KCNMA1: variants seen among roughly 807,000 people sequenced by gnomAD.
The protein encoded by KCNMA1 is Calcium-activated potassium channel subunit alpha-1.
KCNMA1 carries 29 observed loss-of-function variants against 140.0 expected under a neutral mutation model. That is an observed-to-expected ratio of 0.21 (90% CI 0.15 to 0.28). The LOEUF is 0.28. Among genes scored for constraint, KCNMA1 ranks in the 10% least tolerant of loss-of-function variants. KCNMA1 has a pLI of 1.00. For synonymous variants in KCNMA1, 612 were observed against 611.9 expected (o/e 1.00, Z 0.00); for missense variants, 880 against 1,602.2 (o/e 0.55, Z 7.70).
chr10:77,182,309 C>A (rs1008542400), intron 5 of KCNMA1, among the ~76,000 whole-genome samples: 1 of 152,114 alleles, frequency 6.6e-6, no homozygotes, highest in East Asian at 1.9e-4. Context: ...GAATATACTG[C>A]GATACAAACA....
intron 3 of KCNMA1, among the ~76,000 whole-genome samples, chr10:77,194,133 G>A (rs2039610290): frequency 6.6e-6 from 1 of 152,124 alleles, no homozygotes; most frequent in African/African-American, 2.4e-5. Flanking sequence ...CAGTTTCAAG[G>A]CACTTCATAT....
chr10:77,058,125 A>G (rs1279508213), intron 14 of KCNMA1, among the ~76,000 whole-genome samples: 1 of 152,110 alleles, frequency 6.6e-6, no homozygotes, highest in Non-Finnish European at 1.5e-5. Context: ...GAGTGGCTAT[A>G]TTAATATCAG....
intron 1 of KCNMA1, among the ~76,000 whole-genome samples, chr10:77,603,410 C>T (rs1371007162): frequency 6.6e-6 from 1 of 152,152 alleles, no homozygotes; most frequent in Admixed American, 6.5e-5. Flanking sequence ...ATAGATTTCC[C>T]TCTGTTGTCC....
At chr10:77,018,637 A>G (rs2092469452) in intron 17 of KCNMA1, among the ~76,000 whole-genome samples, 1 of 152,184 alleles carries the variant, frequency 6.6e-6, no homozygotes, top group Admixed American at 6.6e-5. Flanking sequence ...TAGAAAACTG[A>G]TAATTCTCAA....
chr10:76,952,061 A>C, intron 21 of KCNMA1: 1 of 1,552,272 alleles, frequency 6.4e-7, no homozygotes, highest in Non-Finnish European at 8.7e-7. Context: ...TTATGCTGGC[A>C]GGAGATGTTG....
At chr10:77,238,301 G>A (rs1242482630) in intron 3 of KCNMA1, among the ~76,000 whole-genome samples, 10 of 152,122 alleles carry the variant, frequency 6.6e-5, no homozygotes, top group Admixed American at 6.5e-4. Context: ...GTGGTCCCTA[G>A]TTCCTGGTGC....
chr10:76,883,130 C>G (rs1342613659), downstream of KCNMA1, among the ~76,000 whole-genome samples: 1 of 152,144 alleles, frequency 6.6e-6, no homozygotes, highest in Non-Finnish European at 1.5e-5. Flanking sequence ...AGTGTCTCTA[C>G]TCATTGAGCT....
At chr10:76,906,901 C>T (rs2048036910) in intron 25 of KCNMA1, among the ~76,000 whole-genome samples, 1 of 152,204 alleles carries the variant, frequency 6.6e-6, no homozygotes, top group Admixed American at 6.5e-5. Flanking sequence ...CATTATGAAG[C>T]TTGTTCATCC....
At chr10:77,007,407 C>T (rs1484922388) in intron 18 of KCNMA1, among the ~76,000 whole-genome samples, 4 of 152,008 alleles carry the variant, frequency 2.6e-5, no homozygotes, top group Non-Finnish European at 2.9e-5. Flanking sequence ...AAGGGAACTT[C>T]ATAGACTGCA....
intron 2 of KCNMA1, among the ~76,000 whole-genome samples, chr10:77,341,192 TATCTC>T (rs1207326677): frequency 6.6e-6 from 1 of 152,222 alleles, no homozygotes; most frequent in Non-Finnish European, 1.5e-5. Context: ...CAACAGCACT[TATCTC>T]ATAGAATTGT....
At chr10:77,591,182 C>G (rs1251895547) in intron 1 of KCNMA1, among the ~76,000 whole-genome samples, 2 of 152,196 alleles carry the variant, frequency 1.3e-5, no homozygotes, top group African/African-American at 4.8e-5. Context: ...TCTGGGGGCT[C>G]AGACTCCCCT....
intron 1 of KCNMA1, among the ~76,000 whole-genome samples, chr10:77,600,159 C>A (rs539688292): frequency 6.6e-6 from 1 of 152,194 alleles, no homozygotes; most frequent in Non-Finnish European, 1.5e-5. Flanking sequence ...GAAGCTATTC[C>A]AAAATGGAAC....
intron 1 of KCNMA1, among the ~76,000 whole-genome samples, chr10:77,427,284 A>G (rs1430002579): frequency 2.0e-5 from 3 of 152,254 alleles, no homozygotes; most frequent in South Asian, 4.1e-4. Context: ...CAATGCTCAC[A>G]GCAGACACAG....
chr10:77,464,255 G>T (rs2097934515), intron 1 of KCNMA1, among the ~76,000 whole-genome samples: 1 of 152,206 alleles, frequency 6.6e-6, no homozygotes. Flanking sequence ...AGAGGCTCAA[G>T]TCAGACCCTT....
At chr10:77,423,217 T>TA (rs1252185265) in intron 1 of KCNMA1, among the ~76,000 whole-genome samples, 2 of 152,178 alleles carry the variant, frequency 1.3e-5, no homozygotes, top group South Asian at 4.1e-4. Flanking sequence ...TTTTTACTCT[T>TA]AAAAAAATGT....
chr10:77,397,794 C>T (rs2096111807), intron 2 of KCNMA1, among the ~76,000 whole-genome samples: 1 of 152,078 alleles, frequency 6.6e-6, no homozygotes, highest in African/African-American at 2.4e-5. Context: ...TCTGAGTCTC[C>T]ATTGACTACT....
intron 2 of KCNMA1, among the ~76,000 whole-genome samples, chr10:77,284,524 T>C (rs1344203485): frequency 6.6e-6 from 1 of 152,110 alleles, no homozygotes; most frequent in African/African-American, 2.4e-5. Context: ...TTATTATTAT[T>C]ATTGCTCAAG....
At chr10:76,910,622 A>G (rs1021187356) in intron 24 of KCNMA1, 1 of 208,796 alleles carries the variant, frequency 4.8e-6, no homozygotes, top group African/African-American at 2.3e-5. Flanking sequence ...TGGCCTGGGT[A>G]GTTCCCGGGG....
intron 1 of KCNMA1, among the ~76,000 whole-genome samples, chr10:77,411,132 G>T (rs2096609898): frequency 6.6e-6 from 1 of 152,284 alleles, no homozygotes; most frequent in South Asian, 2.1e-4. Context: ...CCTCCTGAGT[G>T]CTAGGAGTAT....
Sources: allele counts gnomAD v4.1 joint callset (sites outside exome capture counted in the v4.1 genomes callset), GRCh38; gene constraint gnomAD v4.1.1; transcripts MANE v1.5; gene names NCBI Gene and HGNC (gene_info 2026-07-23, HGNC 2026-07-21).